The following TEPSIN variants were observed in gnomAD, a reference collection of about 807,000 sequenced individuals.
The protein encoded by TEPSIN is TEPSIN adaptor related protein complex 4 accessory protein.
Under a neutral mutation model 48.5 loss-of-function variants are expected in TEPSIN, and 50 were observed. The ratio of observed to expected loss-of-function variants is 1.03; its 90% CI spans 0.82 to 1.31. TEPSIN has a LOEUF of 1.31. TEPSIN is among the 50% of genes most tolerant of loss of function. The pLI is 0.00. For missense variants in TEPSIN, 838 were observed against 815.9 expected (o/e 1.03, Z -0.33); for synonymous variants, 392 against 358.8 (o/e 1.09, Z -1.05).
intron 4 of TEPSIN, among the ~76,000 whole-genome samples, chr17:81,236,384 C>G (rs1422755214): frequency 1.3e-5 from 2 of 152,176 alleles, no homozygotes; most frequent in African/African-American, 4.8e-5. Flanking sequence ...GTGGGGCACA[C>G]AGAGAAACAA....
At chr17:81,237,113 C>A in intron 2 of TEPSIN, 42 bp from the exon 3 acceptor site, 7 of 1,537,580 alleles carry the variant, frequency 4.6e-6, no homozygotes, top group Non-Finnish European at 6.2e-6. Context: ...ATGATGAGGG[C>A]TGCGCCAGGC....
chr17:81,234,935 TG>T lies in TEPSIN; in HGVS notation c.308-888del, dbSNP rs1293977144. On this transcript the variant is annotated intron_variant, in intron 4 of 12. Transcript: ENST00000637944. The surrounding 1 kb of genome is among the most constrained non-coding windows in gnomAD (Gnocchi z 5.4). ...CTAAATCCATAGGGCATCAGCCTAA[TG>T]GCTAAGGTCAGCACGACCATGAACC... is the stretch of plus-strand genomic sequence containing the variant. 6.6e-6 allele frequency among the ~76,000 whole-genome samples: 1 copy of T among 152,182 alleles called. No homozygotes were observed. The highest frequency in any genetic ancestry group is 1.5e-5 in the Non-Finnish European group (1 of 68,040).
chr17:81,228,516 G>T lies in TEPSIN; in HGVS notation c.*412C>A, dbSNP rs1007466594. On this transcript the variant is annotated 3_prime_UTR_variant, in exon 13 of 13. Transcript: ENST00000637944. The stretch of plus-strand genomic sequence containing the variant: ...CCTCAACCCACATGCACCAAACCCA[G>T]CCTCAGCACCTAGCCCACCCCGATG... The T allele has an allele frequency of 1.0e-5, 3 of 289,082 alleles. No individual in the cohort carries two copies. Among genetic ancestry groups the T allele is most frequent in the Non-Finnish European group, 2.0e-5 (3 of 152,282 alleles). The allele number at this position is 289,082 out of a possible 1,614,324, so 17.9% of individuals were successfully genotyped here. A position where few individuals can be genotyped will look rare whatever the true frequency, so the allele number is the denominator to read the frequency against.
intron 11 of TEPSIN, 54 bp downstream of exon 11, chr17:81,231,344 C>T (rs760793336): frequency 1.0e-4 from 148 of 1,466,604 alleles, no homozygotes; most frequent in Non-Finnish European, 1.2e-4. Flanking sequence ...CGCACACACA[C>T]GCACACAGGC....
At chr17:81,232,190 C>T (rs958409681) in intron 8 of TEPSIN, 125 bp downstream of exon 8, 106 of 1,317,438 alleles carry the variant, frequency 8.0e-5, no homozygotes, top group Admixed American at 1.9e-4. Context: ...CATGTGCTTC[C>T]GCCGCGGGTC....
Position 81,233,917 on chromosome 17 carries a change from C to A in TEPSIN, c.375+64G>T. Reference sequence around the variant, plus strand: ...GCAAACCCCCCAGCTGACATCCTGGCCCCAATCCCACCCCTCTACAGGAGG... The same window carrying A: ...GCAAACCCCCCAGCTGACATCCTGGACCCAATCCCACCCCTCTACAGGAGG... On this transcript the variant is annotated intron_variant, in intron 5 of 12. Coordinates refer to ENST00000637944, the MANE Select transcript of TEPSIN (RefSeq NM_001363764.2). The surrounding 1 kb of genome is among the most constrained non-coding windows in gnomAD (Gnocchi z 5.8). 6.5e-7 allele frequency: 1 copy of A among 1,527,362 alleles called. No homozygotes were observed. Among genetic ancestry groups the A allele is most frequent in the Non-Finnish European group, 8.8e-7 (1 of 1,136,798 alleles). The allele number at this position is 1,527,362 out of a possible 1,614,324, so 94.6% of individuals were successfully genotyped here.
In TEPSIN at chr17:81,228,973, C is replaced by G. The variant is rs1235275137; in HGVS notation, c.1737G>C (p.Glu579Asp). Residue 579 changes from glutamate (E) to aspartate (D), a missense_variant, in exon 13 of 13, where the codon GAG (glutamate) becomes GAC (aspartate). Glu to Asp is a conservative substitution (Grantham distance 45, BLOSUM62 2). Coordinates refer to ENST00000637944, the MANE Select transcript of TEPSIN (RefSeq NM_001363764.2). ...AAGCTGACGGCTCTGAGCCAGGAGG[C>G]TCTTTGGCTGCTGTCCTCTGGGACG... The part of the protein sequence containing the change: ...QTSSQRTAAK[E>D]PPGSEPSAFA... The G allele has an allele frequency of 6.2e-7, 1 of 1,613,704 alleles. No individual in the cohort carries two copies. Among genetic ancestry groups the G allele is most frequent in the Non-Finnish European group, 8.5e-7 (1 of 1,180,028 alleles).
chr17:81,229,807 A>G (rs968294134), intron 12 of TEPSIN: 3 of 379,868 alleles, frequency 7.9e-6, no homozygotes, highest in Non-Finnish European at 1.4e-5. Context: ...GGCCTGGCAC[A>G]TCTGGGCATT....
At position 81,230,498 on chromosome 17, in the gene TEPSIN, T is replaced by G. The variant is rs762627791; in HGVS notation, c.1233+46A>C. Reference sequence around the variant, plus strand: ...CCGTGGACTGCAGCGTATCTCCCACTGTACCCTTGGACCCCGGTGTGCGTG... The same window carrying G: ...CCGTGGACTGCAGCGTATCTCCCACGGTACCCTTGGACCCCGGTGTGCGTG... On this transcript the variant is annotated intron_variant, in intron 12 of 12. Transcript: ENST00000637944. The surrounding 1 kb of genome is among the most constrained non-coding windows in gnomAD (Gnocchi z 4.2). The G allele has an allele frequency of 3.2e-5, 52 of 1,604,210 alleles. No individual in the cohort carries two copies. The highest frequency in any genetic ancestry group is 4.3e-5 in the Non-Finnish European group (51 of 1,177,372).
In TEPSIN at chr17:81,230,682, C is replaced by A. The variant is rs759702700; in HGVS notation, c.1099-4G>T. The A allele has an allele frequency of 1.3e-6, 2 of 1,535,828 alleles. No individual in the cohort carries two copies. The highest frequency in any genetic ancestry group is 2.0e-5 in the Admixed American group (1 of 51,074). On this transcript the variant is annotated splice_polypyrimidine_tract_variant and splice_region_variant and intron_variant, in intron 11 of 12. Coordinates refer to ENST00000637944, the MANE Select transcript of TEPSIN (RefSeq NM_001363764.2). This position sits in a 1 kb window ranked among gnomAD's most constrained non-coding sequence, Gnocchi z 4.2. ...AGGCGATGGCACACAGCGCCCTCTG[C>A]GGGTGAAGGGAGGGGACATCAGCAC... is the stretch of plus-strand genomic sequence containing the variant.
At position 81,232,796 on chromosome 17, in the gene TEPSIN, C is replaced by T. The variant is rs1042361976; in HGVS notation, c.527-278G>A. The T allele has an allele frequency of 7.0e-6, 3 of 425,994 alleles. No homozygotes were observed. The South Asian group carries it at 1.3e-4, about 19-fold the overall frequency. The allele number at this position is 425,994 out of a possible 1,614,324, so 26.4% of individuals were successfully genotyped here. A position where few individuals can be genotyped will look rare whatever the true frequency, so the allele number is the denominator to read the frequency against. On this transcript the variant is annotated intron_variant, in intron 7 of 12. Transcript: ENST00000637944. ...CTGGGGGTGAAGGTGTCCTAAGGGG[C>T]TTGGGCTTGGCCTTGGCTCAGGGAG... is the stretch of plus-strand genomic sequence containing the variant.
chr17:81,237,272 A>C, intron 2 of TEPSIN, 115 bp downstream of exon 2: 1 of 1,322,452 alleles, frequency 7.6e-7, no homozygotes, highest in Non-Finnish European at 1.1e-6. Context: ...TGGTTACAAT[A>C]ATAAAGGAGC....
At position 81,229,150 on chromosome 17, in the gene TEPSIN, G is replaced by GC. The variant is rs778951712; in HGVS notation, c.1559dup (p.Thr521HisfsTer43). On this transcript the variant is annotated frameshift_variant, in exon 13 of 13. Coordinates refer to ENST00000637944, the MANE Select transcript of TEPSIN (RefSeq NM_001363764.2). LOFTEE classifies it low-confidence loss of function (END_TRUNC). ...TGGGGCCTCTCTTTGGGCTGTCCGT[G>GC]CCCCCTGGGATCCGTTCAGGTCTCC... 14 of 1,610,900 alleles carry GC rather than the reference G, an allele frequency of 8.7e-6. No homozygotes were observed. Among genetic ancestry groups the GC allele is most frequent in the Non-Finnish European group, 1.0e-5 (12 of 1,179,484 alleles).
In TEPSIN at chr17:81,233,325, G is replaced by A. The variant is rs896376697; in HGVS notation, c.526+107C>T. The A allele has an allele frequency of 1.5e-6, 2 of 1,329,136 alleles. No homozygotes were observed. Among genetic ancestry groups the A allele is most frequent in the African/African-American group, 1.5e-5 (1 of 68,766 alleles). 82.3% of individuals were successfully genotyped at this position (1,329,136 alleles called of 1,614,324 possible). A position where few individuals can be genotyped will look rare whatever the true frequency, so the allele number is the denominator to read the frequency against. On this transcript the variant is annotated intron_variant, in intron 7 of 12. Transcript: ENST00000637944. The surrounding 1 kb of genome is among the most constrained non-coding windows in gnomAD (Gnocchi z 5.8). Reference sequence around the variant, plus strand: ...AAGGGTTGAGGCCATGTAGGGGAGGGGACGGGGGACAGCAGCTACTAGATG... The same window carrying A: ...AAGGGTTGAGGCCATGTAGGGGAGGAGACGGGGGACAGCAGCTACTAGATG...
chr17:81,238,633 C>T, intron 1 of TEPSIN: 1 of 1,141,026 alleles, frequency 8.8e-7, no homozygotes, highest in Non-Finnish European at 1.1e-6. Flanking sequence ...GCTGCCAGCC[C>T]ACCTGGGCGC....
In TEPSIN at chr17:81,231,605, C is replaced by T. The variant is rs138308977; in HGVS notation, c.992G>A (p.Arg331His). The T allele has an allele frequency of 2.6e-5, 42 of 1,612,890 alleles. No individual in the cohort carries two copies. Among genetic ancestry groups the T allele is most frequent in the African/African-American group, 5.3e-5 (4 of 74,908 alleles). ...VTRGPRAFLS[R>H]EEAQHFIKAC... ...TTTGATGAAGTGCTGTGCCTCCTCG[C>T]GGCTCAGGAAGGCGCGTGGTCCCCG... Residue 331 changes from arginine to histidine, a missense_variant, in exon 10 of 13, where the codon CGC becomes CAC. By Grantham distance (29) the Arg-to-His change is conservative. Transcript: ENST00000637944.
At position 81,237,570 on chromosome 17, in the gene TEPSIN, C is replaced by T. The variant is rs1284805210; in HGVS notation, c.49-111G>A. ...ACCCACCTCTCACTGTTGACATGGC[C>T]GGAGAGAGGACTGGGAAGGGATGAG... On this transcript the variant is annotated intron_variant, in intron 1 of 12. Transcript: ENST00000637944. 1.9e-5 allele frequency: 21 copies of T among 1,133,932 alleles called. No homozygotes were observed. In the East Asian group the frequency reaches 3.6e-4, roughly 19 times the overall value. The allele number at this position is 1,133,932 out of a possible 1,614,324, so 70.2% of individuals were successfully genotyped here. A position where few individuals can be genotyped will look rare whatever the true frequency, so the allele number is the denominator to read the frequency against.
intron 1 of TEPSIN, chr17:81,238,469 C>T: frequency 4.9e-6 from 2 of 408,262 alleles, no homozygotes; most frequent in Non-Finnish European, 6.6e-6. Context: ...CCTGGGAACT[C>T]GCCCCGGCCT....
intron 12 of TEPSIN, chr17:81,229,825 G>A (rs974430352): frequency 8.8e-6 from 3 of 340,278 alleles, no homozygotes; most frequent in Admixed American, 9.6e-5. Flanking sequence ...ATTTCCAACT[G>A]TTGGACGCAG....
Sources: allele counts gnomAD v4.1 joint callset (sites outside exome capture counted in the v4.1 genomes callset), GRCh38; gene constraint gnomAD v4.1.1; non-coding constraint Gnocchi (gnomAD v3.1); transcripts MANE v1.5; gene names NCBI Gene and HGNC (gene_info 2026-07-23, HGNC 2026-07-21).